Variants in NPIPB9 observed in about 807,000 individuals in gnomAD.
NPIPB9 encodes nuclear pore complex interacting protein family member B9.
In NPIPB9, 1 loss-of-function variant was observed where a neutral mutation model predicts 5.6. The observed-to-expected ratio is 0.18, with a 90% CI of 0.06 to 0.84. The LOEUF is 0.84. Among genes scored for constraint, NPIPB9 ranks in the 40% least tolerant of loss-of-function variants. The probability of loss-of-function intolerance (pLI) is 0.70; values close to 1 mark genes in which losing one functional copy is unlikely to be tolerated. For missense variants in NPIPB9, 3 were observed against 39.1 expected, an observed-to-expected ratio of 0.08 and a Z score of 2.46; for synonymous variants, 2 against 12.5, an observed-to-expected ratio of 0.16 and a Z score of 1.77.
At chr16:28,767,194 ATTT>A (rs1179314816) in intron 5 of NPIPB9, among the ~76,000 whole-genome samples, 1 of 44,242 alleles carries the variant, frequency 2.3e-5, no homozygotes. Context: ...CATTCGGCCA[ATTT>A]TTTTTTTTTT....
At chr16:28,754,937 T>C in intron 1 of NPIPB9, among the ~76,000 whole-genome samples, 1 of 130,592 alleles carries the variant, frequency 7.7e-6, no homozygotes, top group Non-Finnish European at 1.7e-5. Flanking sequence ...AGTAAATCTC[T>C]GACTGCCTCA....
At chr16:28,767,499 C>T (rs1258234257) in intron 5 of NPIPB9, among the ~76,000 whole-genome samples, 3 of 24,340 alleles carry the variant, frequency 1.2e-4, no homozygotes, top group Non-Finnish European at 2.4e-4. Flanking sequence ...CGTGAGCCAC[C>T]GTGCCCGGCC....
chr16:28,753,567 CACACAT>C (rs1443851074), intron 1 of NPIPB9, among the ~76,000 whole-genome samples: 3 of 58,420 alleles, frequency 5.1e-5, no homozygotes, highest in African/African-American at 1.9e-4. Flanking sequence ...CACACACACA[CACACAT>C]ATAGAGAGAG....
At position 28,756,143 on chromosome 16, in the gene NPIPB9, C is replaced by T. The variant is rs1298110102; in HGVS notation, c.26-1855C>T. 5.5e-5 allele frequency among the ~76,000 whole-genome samples: 5 copies of T among 90,162 alleles called. No homozygotes were observed. In the Admixed American group the frequency reaches 6.6e-4, roughly 12 times the overall value. 59.1% of individuals were successfully genotyped at this position (90,162 alleles called of 152,430 possible). On this transcript the variant is annotated intron_variant, in intron 1 of 7. Coordinates refer to ENST00000550983, the Ensembl canonical transcript of NPIPB9. ...ACTTTTGGTCTAATCTGACTTCAAC[C>T]CCCACTTACTTGGTCTCTCCTTTTA...
chr16:28,760,121 TA>T (rs746410815), intron 2 of NPIPB9, among the ~76,000 whole-genome samples: 40 of 21,058 alleles, frequency 1.9e-3, no homozygotes, highest in African/African-American at 8.8e-3. Context: ...AAGAAACATT[TA>T]AAATTGAGAT....
Position 28,753,531 on chromosome 16 carries a change from TACACACACACACACAC to T in NPIPB9, c.25+965_25+980del, listed in dbSNP as rs1158927991. Among the ~76,000 whole-genome samples the T allele has an allele frequency of 1.2e-4, 5 of 42,042 alleles. 2 individuals carry two copies. The highest frequency in any genetic ancestry group is 4.0e-4 in the African/African-American group (5 of 12,464). 27.6% of individuals were successfully genotyped at this position (42,042 alleles called of 152,430 possible). On this transcript the variant is annotated intron_variant, in intron 1 of 7. Coordinates refer to ENST00000550983, the Ensembl canonical transcript of NPIPB9. ...ATACACACACACACACACACATACA[TACACACACACACACAC>T]ACACACACACACACACACACACACA... is the stretch of plus-strand genomic sequence containing the variant.
chr16:28,765,774 T>TGTGTGA (rs1332789416), intron 3 of NPIPB9, among the ~76,000 whole-genome samples: 5 of 78,780 alleles, frequency 6.3e-5, no homozygotes, highest in East Asian at 4.3e-4. Flanking sequence ...TGTGTGTGTG[T>TGTGTGA]GACAGAGTCT....
At chr16:28,752,877 TTTA>T (rs2048674399) in intron 1 of NPIPB9, among the ~76,000 whole-genome samples, 1 of 117,846 alleles carries the variant, frequency 8.5e-6, no homozygotes, top group South Asian at 2.5e-4. Flanking sequence ...AAAAAGTTTA[TTTA>T]TTATCTTGCC....
chr16:28,766,959 C>T (rs1254980171), intron 5 of NPIPB9, among the ~76,000 whole-genome samples: 2 of 83,018 alleles, frequency 2.4e-5, no homozygotes, highest in Non-Finnish European at 5.0e-5. Context: ...CTTCTGACCT[C>T]AGGTAATCCA....
At chr16:28,753,507 T>TAC (rs1214843854) in intron 1 of NPIPB9, among the ~76,000 whole-genome samples, 3,673 of 63,784 alleles carry the variant, frequency 0.058, 469 homozygotes, top group African/African-American at 0.2. Context: ...TTTATATAGA[T>TAC]ACACACACAC....
intron 5 of NPIPB9, among the ~76,000 whole-genome samples, chr16:28,767,308 C>A (rs2049265283): frequency 9.6e-6 from 1 of 104,228 alleles, no homozygotes; most frequent in Non-Finnish European, 2.1e-5. Context: ...TGATTCTTAT[C>A]CCTCAGCCTC....
chr16:28,754,881 G>A (rs1395845553), intron 1 of NPIPB9, among the ~76,000 whole-genome samples: 4 of 140,474 alleles, frequency 2.8e-5, no homozygotes, highest in African/African-American at 5.1e-5. Context: ...AGTTTGGTCG[G>A]ATGTAATCAG....
At chr16:28,753,565 CACACACAT>C (rs1161269482) in intron 1 of NPIPB9, among the ~76,000 whole-genome samples, 4 of 59,854 alleles carry the variant, frequency 6.7e-5, no homozygotes, top group Admixed American at 4.1e-4. Flanking sequence ...CACACACACA[CACACACAT>C]ATAGAGAGAG....
intron 1 of NPIPB9, among the ~76,000 whole-genome samples, chr16:28,756,303 CA>C (rs2048817415): frequency 7.6e-6 from 1 of 131,518 alleles, no homozygotes; most frequent in Non-Finnish European, 1.7e-5. Flanking sequence ...CTCCCGGGTC[CA>C]AGGGATTGTC....
In NPIPB9 at chr16:28,753,531, TACACACACACACAC is replaced by T. The variant is rs1158927991; in HGVS notation, c.25+967_25+980del. Among the ~76,000 whole-genome samples, 7 of 42,040 alleles carry T rather than the reference TACACACACACACAC, an allele frequency of 1.7e-4. 1 individual carries two copies. In the South Asian group the frequency reaches 5.1e-3, roughly 31 times the overall value. 27.6% of individuals were successfully genotyped at this position (42,040 alleles called of 152,430 possible). On this transcript the variant is annotated intron_variant, in intron 1 of 7. Transcript: ENST00000550983. ...ATACACACACACACACACACATACATACACACACACACACACACACACACACACACACACACACA... is the reference window on the plus strand; with the variant it reads ...ATACACACACACACACACACATACATACACACACACACACACACACACACA...
rs2049171802 is a variant in NPIPB9 at position 28,765,815 on chromosome 16, T to A, written c.295-267T>A. Among the ~76,000 whole-genome samples the A allele has an allele frequency of 3.6e-5, 4 of 109,742 alleles. 1 individual carries two copies. The highest frequency in any genetic ancestry group is 8.0e-5 in the Non-Finnish European group (4 of 50,266). 72.0% of individuals were successfully genotyped at this position (109,742 alleles called of 152,430 possible). On this transcript the variant is annotated intron_variant, in intron 3 of 7. Transcript: ENST00000550983. ...TGTCGCTCAGGCTGGAGTACAGTGG[T>A]GTGATCTCGGCTCACTGCAACCTCC...
At chr16:28,753,507 T>TACAC (rs1214843854) in intron 1 of NPIPB9, among the ~76,000 whole-genome samples, 10 of 64,220 alleles carry the variant, frequency 1.6e-4, no homozygotes, top group African/African-American at 5.2e-4. Context: ...TTTATATAGA[T>TACAC]ACACACACAC....
At chr16:28,754,850 A>G (rs56133307) in intron 1 of NPIPB9, among the ~76,000 whole-genome samples, 1 of 141,058 alleles carries the variant, frequency 7.1e-6, no homozygotes, top group Admixed American at 7.2e-5. Context: ...ATGATGAAAC[A>G]GAGTAGACTT....
At chr16:28,765,073 G>T (rs1356805652) in intron 3 of NPIPB9, among the ~76,000 whole-genome samples, 1 of 41,536 alleles carries the variant, frequency 2.4e-5, no homozygotes, top group Non-Finnish European at 4.8e-5. Context: ...GAAGTGTACA[G>T]TTCAGTTGTG....
Sources: gnomAD v4.1 joint callset for allele counts (sites outside exome capture counted in the v4.1 genomes callset) on GRCh38, gnomAD v4.1.1 for gene constraint, MANE v1.5 for transcripts, NCBI Gene and HGNC (gene_info 2026-07-23, HGNC 2026-07-21) for gene names.